The following GRIP1 variants were observed in gnomAD, a reference collection of about 807,000 sequenced individuals.
GRIP1 encodes the protein glutamate receptor-interacting protein 1.
In GRIP1, 45 loss-of-function variants were observed where a neutral mutation model predicts 129.9. That is an observed-to-expected ratio of 0.35 (90% confidence interval 0.27 to 0.44). The LOEUF (loss-of-function observed/expected upper bound fraction) is 0.44. GRIP1 is among the 20% of genes least tolerant of loss of function. The pLI, the probability that GRIP1 is intolerant of heterozygous loss-of-function variation, is 1.00. For synonymous variants in GRIP1, 530 were observed against 520.8 expected (o/e 1.02, Z -0.24); for missense variants, 1,196 against 1,396.8 (o/e 0.86, Z 2.29).
At chr12:66,727,266 T>G (rs541984153) in intron 1 of GRIP1, among the ~76,000 whole-genome samples, 25 of 152,364 alleles carry the variant, frequency 1.6e-4, no homozygotes, top group Admixed American at 1.4e-3. Flanking sequence ...CCATGTAACT[T>G]CACAATGCCT....
At chr12:66,523,729 C>G (rs1432781883) in intron 5 of GRIP1, among the ~76,000 whole-genome samples, 1 of 152,106 alleles carries the variant, frequency 6.6e-6, no homozygotes, top group Non-Finnish European at 1.5e-5. Flanking sequence ...AAGACACAGA[C>G]TGGCAAATTG....
chr12:66,442,031 C>T (rs2058484614), intron 13 of GRIP1, among the ~76,000 whole-genome samples: 1 of 152,160 alleles, frequency 6.6e-6, no homozygotes, highest in Admixed American at 6.5e-5. Context: ...CTTACGTGTC[C>T]AACTGCCACA....
At chr12:66,926,049 T>C (rs2041291169) in intron 1 of GRIP1, among the ~76,000 whole-genome samples, 1 of 152,230 alleles carries the variant, frequency 6.6e-6, no homozygotes, top group South Asian at 2.1e-4. Context: ...AATCCAAGAC[T>C]AATGATAATA....
chr12:66,597,907 C>A (rs956527941), intron 1 of GRIP1, among the ~76,000 whole-genome samples: 2 of 151,892 alleles, frequency 1.3e-5, no homozygotes, highest in Non-Finnish European at 2.9e-5. Flanking sequence ...GTGAATAACA[C>A]CCTTAAACAT....
chr12:66,966,671 T>C (rs1032184695), intron 1 of GRIP1, among the ~76,000 whole-genome samples: 9 of 152,222 alleles, frequency 5.9e-5, no homozygotes, highest in African/African-American at 1.9e-4. Context: ...TTTATCTTTG[T>C]AAAATGCCAT....
chr12:66,464,124 A>G lies in GRIP1; in HGVS notation c.873-1031T>C, dbSNP rs567296450. The stretch of plus-strand genomic sequence containing the variant: ...CAGGGGAGACTGGTCATTCAGGTGC[A>G]GTATATCTATAAATTCCCAGTGTGA... On this transcript the variant is annotated intron_variant, in intron 8 of 24. Transcript: ENST00000359742. Among the ~76,000 whole-genome samples, 26 of 152,336 alleles carry G rather than the reference A, an allele frequency of 1.7e-4. 1 individual carries two copies. Among genetic ancestry groups the G allele is most frequent in the African/African-American group, 6.3e-4 (26 of 41,578 alleles).
At chr12:66,773,330 T>A (rs761216476) in intron 1 of GRIP1, among the ~76,000 whole-genome samples, 1 of 152,234 alleles carries the variant, frequency 6.6e-6, no homozygotes, top group Non-Finnish European at 1.5e-5. Flanking sequence ...GAATGATTTA[T>A]AATCCTTTGG....
intron 1 of GRIP1, among the ~76,000 whole-genome samples, chr12:66,779,235 A>G (rs2038081644): frequency 6.6e-6 from 1 of 152,190 alleles, no homozygotes; most frequent in Admixed American, 6.5e-5. Context: ...GGACTTTACT[A>G]TCTGACAAAC....
intron 19 of GRIP1, among the ~76,000 whole-genome samples, chr12:66,388,085 A>C (rs986728341): frequency 5.9e-5 from 9 of 152,076 alleles, no homozygotes; most frequent in African/African-American, 2.2e-4. Context: ...AAAAAAAAAA[A>C]CTAGAGTAAA....
intron 1 of GRIP1, among the ~76,000 whole-genome samples, chr12:66,956,293 T>A (rs1446034783): frequency 6.6e-6 from 1 of 152,172 alleles, no homozygotes; most frequent in Admixed American, 6.5e-5. Context: ...GTCCCTCGAT[T>A]GGGGTTTTCG....
At chr12:66,511,971 C>A (rs1209347992) in intron 7 of GRIP1, among the ~76,000 whole-genome samples, 1 of 152,044 alleles carries the variant, frequency 6.6e-6, no homozygotes, top group African/African-American at 2.4e-5. Flanking sequence ...GCAGTTTTCT[C>A]CCATGCTGTT....
chr12:66,742,466 T>A (rs1045749820), intron 1 of GRIP1, among the ~76,000 whole-genome samples: 4 of 152,144 alleles, frequency 2.6e-5, no homozygotes, highest in African/African-American at 4.8e-5. Flanking sequence ...AATGGATTAC[T>A]ACAGGAAGGT....
chr12:66,622,830 G>A (rs962554471), intron 1 of GRIP1, among the ~76,000 whole-genome samples: 4 of 151,876 alleles, frequency 2.6e-5, no homozygotes, highest in Non-Finnish European at 4.4e-5. Context: ...CCCCTCTTTC[G>A]GGATGTTTCA....
chr12:66,463,371 A>G (rs561050318), intron 8 of GRIP1, among the ~76,000 whole-genome samples: 11 of 152,234 alleles, frequency 7.2e-5, no homozygotes, highest in Admixed American at 7.2e-4. Context: ...TTGTGTGGAA[A>G]GTTGAGGGAA....
At chr12:66,932,090 T>C (rs1325668359) in intron 1 of GRIP1, among the ~76,000 whole-genome samples, 3 of 152,074 alleles carry the variant, frequency 2.0e-5, no homozygotes, top group Non-Finnish European at 4.4e-5. Context: ...CCATCAAAGA[T>C]CTATTCTTAT....
chr12:66,916,867 A>C (rs2041132509), intron 1 of GRIP1, among the ~76,000 whole-genome samples: 1 of 152,206 alleles, frequency 6.6e-6, no homozygotes, highest in African/African-American at 2.4e-5. Context: ...GATATTCTAA[A>C]ACAAAATCAC....
chr12:66,400,769 G>A (rs925914155), intron 16 of GRIP1, among the ~76,000 whole-genome samples: 5 of 152,100 alleles, frequency 3.3e-5, no homozygotes, highest in African/African-American at 7.2e-5. Context: ...ATACAAAGCC[G>A]ACTTTTGAAA....
chr12:66,928,295 C>T (rs544917889), intron 1 of GRIP1, among the ~76,000 whole-genome samples: 74 of 152,272 alleles, frequency 4.9e-4, no homozygotes, highest in African/African-American at 1.7e-3. Context: ...AGCATATATC[C>T]TCTAAGACCC....
intron 2 of GRIP1, among the ~76,000 whole-genome samples, chr12:66,551,715 T>C (rs569539089): frequency 2.3e-4 from 35 of 151,750 alleles, no homozygotes; most frequent in Non-Finnish European, 4.3e-4. Flanking sequence ...TGTGTGTCAC[T>C]AGGCCCAGCT....
Sources: gnomAD v4.1 joint callset for allele counts (sites outside exome capture counted in the v4.1 genomes callset) on GRCh38, gnomAD v4.1.1 for gene constraint, MANE v1.5 for transcripts, NCBI Gene and HGNC (gene_info 2026-07-23, HGNC 2026-07-21) for gene names.